Variants in SLC39A4 observed in about 807,000 individuals in gnomAD.
SLC39A4 encodes zinc transporter ZIP4.
SLC39A4 carries 49 observed loss-of-function variants against 56.6 expected under a neutral mutation model. The observed-to-expected ratio is 0.87, with a 90% confidence interval of 0.69 to 1.10. SLC39A4 has a LOEUF of 1.10. Ranked by LOEUF, SLC39A4 falls within the 50% of genes least tolerant of loss-of-function variation. The pLI, the probability that SLC39A4 is intolerant of heterozygous loss-of-function variation, is 0.00. For missense variants in SLC39A4, 993 were observed against 864.2 expected, an observed-to-expected ratio of 1.15 and a Z score of -1.87; for synonymous variants, 540 against 420.4, an observed-to-expected ratio of 1.28 and a Z score of -3.48.
Position 144,416,679 on chromosome 8 carries a change from G to T in SLC39A4, c.111C>A (p.Gly37=). ...CGCCCAGAGCCTCTTGATCCAGAGC[G>T]CCCTGGCCAGAGGTGAGCAGGCTCA... The part of the protein sequence containing the change: ...GLLSLLTSGQ[G]ALDQEALGGL... The change falls in exon 1 of 12, where the codon GGC becomes GGA. Residue 37 remains glycine (G), a synonymous_variant. Coordinates refer to ENST00000301305, the MANE Select transcript of SLC39A4 (RefSeq NM_130849.4). The T allele has an allele frequency of 6.2e-7, 1 of 1,611,858 alleles. No individual in the cohort carries two copies. Among genetic ancestry groups the T allele is most frequent in the Non-Finnish European group, 8.5e-7 (1 of 1,179,524 alleles).
Position 144,413,282 on chromosome 8 carries a change from C to G in SLC39A4, c.1582G>C (p.Ala528Pro), listed in dbSNP as rs781865905. The G allele has an allele frequency of 1.3e-6, 2 of 1,598,806 alleles. No homozygotes were observed. The highest frequency in any genetic ancestry group is 1.7e-6 in the Non-Finnish European group (2 of 1,176,816). The change falls in exon 10 of 12, where the codon GCC becomes CCC. Residue 528 changes from alanine to proline, a missense_variant. Ala to Pro is a conservative substitution (Grantham distance 27). Coordinates refer to ENST00000301305, the MANE Select transcript of SLC39A4 (RefSeq NM_130849.4). ...AFASSWKTGL[A>P]TSLAVFCHEL... ...TGGCAGAACACGGCCAGCGAGGTGG[C>G]CAGCCCGGTCTTCCAGGAGGACGCG...
intron 2 of SLC39A4, 32 bp downstream of exon 2, chr8:144,415,778 C>G: frequency 6.3e-7 from 1 of 1,578,862 alleles, no homozygotes; most frequent in East Asian, 2.3e-5. Flanking sequence ...CCTCCTCACC[C>G]ACTCCCCTGG....
rs781822449 is a variant in SLC39A4 at position 144,414,390 on chromosome 8, C to T, written c.1021G>A (p.Ala341Thr). The T allele has an allele frequency of 2.4e-5, 38 of 1,575,940 alleles. No individual in the cohort carries two copies. Among genetic ancestry groups the T allele is most frequent in the South Asian group, 1.3e-4 (11 of 86,064 alleles). ...SLATLLICLC[A>T]VFGLLLLTCT... ...GTCAGCAGCAGGAGGCCAAAGACCG[C>T]GCAGAGGCAGATGAGCAGCGTGGCC... The change falls in exon 6 of 12, where the codon GCG (alanine) becomes ACG (threonine). Residue 341 changes from alanine to threonine, a missense_variant. Ala to Thr is a moderately conservative substitution (Grantham distance 58, BLOSUM62 0). Coordinates refer to ENST00000301305, the MANE Select transcript of SLC39A4 (RefSeq NM_130849.4).
rs1554872607 is a variant in SLC39A4 at position 144,413,790 on chromosome 8, C to T, written c.1379G>A (p.Arg460Gln). Residue 460 changes from arginine (R) to glutamine (Q), a missense_variant, in exon 8 of 12, where the codon CGG becomes CAG. Arg to Gln is a conservative substitution (Grantham distance 43). Coordinates refer to ENST00000301305, the MANE Select transcript of SLC39A4 (RefSeq NM_130849.4). ...VSLQLAPSEL[R>Q]QPKPPHEGSR... ...GCCCTCGTGGGGGGGCTTGGGCTGC[C>T]GGAGCTCGCTGGGTGCCAGCTGCAG... is the stretch of plus-strand genomic sequence containing the variant. 12 of 1,553,760 alleles carry T rather than the reference C, an allele frequency of 7.7e-6. No homozygotes were observed. The highest frequency in any genetic ancestry group is 2.3e-4 in the Middle Eastern group (1 of 4,414).
chr8:144,413,184 T>G (rs2977840), intron 10 of SLC39A4, 53 bp downstream of exon 10: 1,510,310 of 1,519,912 alleles, frequency 0.99, 750,411 homozygotes, highest in South Asian at 1. Flanking sequence ...AGGTCTCCCC[T>G]CCCAGCCCCG....
Position 144,416,634 on chromosome 8 carries a change from C to A in SLC39A4, c.156G>T (p.Ala52=). The A allele has an allele frequency of 2.5e-6, 4 of 1,604,660 alleles. No homozygotes were observed. The highest frequency in any genetic ancestry group is 3.4e-6 in the Non-Finnish European group (4 of 1,176,622). Residue 52 remains alanine (A), a synonymous_variant, in exon 1 of 12, where the codon GCG becomes GCT. Transcript: ENST00000301305. The part of the protein sequence containing the change: ...EALGGLLNTL[A]DRVHCANGPC... ...GCCCGTTGGCGCAGTGCACACGGTC[C>A]GCCAGCGTATTTAACAGGCCGCCCA...
At chr8:144,416,276 G>A (rs959882278) in intron 1 of SLC39A4, 185 bp from the exon 2 acceptor site, 29 of 1,542,592 alleles carry the variant, frequency 1.9e-5, no homozygotes, top group Non-Finnish European at 2.3e-5. Context: ...CTACAGGGGT[G>A]CACGCAGAGG....
chr8:144,416,169 G>A (rs201942863), intron 1 of SLC39A4, 78 bp from the exon 2 acceptor site: 34 of 1,595,296 alleles, frequency 2.1e-5, no homozygotes, highest in African/African-American at 8.0e-5. Context: ...GGGCTTCCCC[G>A]AGGGCCTGTT....
At position 144,414,784 on chromosome 8, in the gene SLC39A4, C is replaced by G. The variant is rs1398604079; in HGVS notation, c.917G>C (p.Ser306Thr). ...CCTGGACTGGGAGGTGCAGGCTCCA[C>G]TCAGCTGCTGTTGGAGCAGGGCAGG... The part of the protein sequence containing the change: ...LSPALLQQQL[S>T]GACTSQSRPP... Residue 306 changes from serine (S) to threonine (T), a missense_variant, in exon 5 of 12, where the codon AGT becomes ACT. Ser to Thr is a moderately conservative substitution (Grantham distance 58, BLOSUM62 1). Coordinates refer to ENST00000301305, the MANE Select transcript of SLC39A4 (RefSeq NM_130849.4). 1 of 1,613,182 alleles carries G rather than the reference C, an allele frequency of 6.2e-7. No individual in the cohort carries two copies.
intron 10 of SLC39A4, 95 bp from the exon 11 acceptor site, chr8:144,413,041 A>G: frequency 2.5e-6 from 3 of 1,188,714 alleles, no homozygotes; most frequent in South Asian, 1.8e-5. Context: ...GGCCCCGCCC[A>G]CCTGTTCCCG....
In SLC39A4 at chr8:144,415,962, C is replaced by T. The variant is rs144726882; in HGVS notation, c.322G>A (p.Glu108Lys). The T allele has an allele frequency of 2.6e-5, 41 of 1,595,198 alleles. No homozygotes were observed. The highest frequency in any genetic ancestry group is 1.7e-4 in the Middle Eastern group (1 of 6,044). ...AAAVLYLSNPEGTCEDARAGL... is the reference protein window; with the variant it reads ...AAAVLYLSNPKGTCEDARAGL... ...GCCCGAGCGTCCTCACAGGTGCCCT[C>T]GGGGTTGCTGAGGTACAGGACGGCG... Residue 108 changes from glutamate to lysine, a missense_variant, in exon 2 of 12, where the codon GAG (glutamate) becomes AAG (lysine). Glu to Lys is a moderately conservative substitution (Grantham distance 56). Coordinates refer to ENST00000301305, the MANE Select transcript of SLC39A4 (RefSeq NM_130849.4).
Position 144,412,760 on chromosome 8 carries a change from A to G in SLC39A4, c.1814T>C (p.Met605Thr), listed in dbSNP as rs1183371438. ...GLFLYVALCDMLPAMLKVRDP... is the reference protein window; with the variant it reads ...GLFLYVALCDTLPAMLKVRDP... ...AGCCCCTCCCCTCGCCATCCTGACC[A>G]TGTCGCAGAGTGCTACGTAGAGGAA... Residue 605 changes from methionine to threonine, a missense_variant and splice_region_variant, in exon 11 of 12, where the codon ATG becomes ACG. By Grantham distance (81) the Met-to-Thr change is moderately conservative. Transcript: ENST00000301305. The G allele has an allele frequency of 1.2e-6, 2 of 1,613,110 alleles. No individual in the cohort carries two copies. Among genetic ancestry groups the G allele is most frequent in the Non-Finnish European group, 1.7e-6 (2 of 1,179,934 alleles).
In SLC39A4 at chr8:144,416,778, CAGGG is replaced by C; in HGVS notation, c.8_11del (p.Ser3TrpfsTer15). 1 of 1,612,214 alleles carries C rather than the reference CAGGG, an allele frequency of 6.2e-7. No homozygotes were observed. Among genetic ancestry groups the C allele is most frequent in the Non-Finnish European group, 8.5e-7 (1 of 1,179,830 alleles). On this transcript the variant is annotated frameshift_variant, in exon 1 of 12. Coordinates refer to ENST00000301305, the MANE Select transcript of SLC39A4 (RefSeq NM_130849.4). LOFTEE classifies it high-confidence loss of function. ...GAAGCAGCCCCAGCTCCAGCGAGAC[CAGGG>C]ACGCCATACTCAGCTCCCAGCGTGC...
intron 8 of SLC39A4, 83 bp downstream of exon 8, chr8:144,413,667 T>TG (rs1822007977): frequency 6.5e-7 from 1 of 1,540,068 alleles, no homozygotes; most frequent in South Asian, 1.2e-5. Flanking sequence ...GCCGCAGGCC[T>TG]GGGGTGGGGC....
rs781865905 is a variant in SLC39A4 at position 144,413,282 on chromosome 8, C to A, written c.1582G>T (p.Ala528Ser). 6.3e-7 allele frequency: 1 copy of A among 1,598,806 alleles called. No homozygotes were observed. The highest frequency in any genetic ancestry group is 1.1e-5 in the South Asian group (1 of 89,570). The change falls in exon 10 of 12, where the codon GCC becomes TCC. Residue 528 changes from alanine to serine, a missense_variant. Coordinates refer to ENST00000301305, the MANE Select transcript of SLC39A4 (RefSeq NM_130849.4). ...TGGCAGAACACGGCCAGCGAGGTGGCCAGCCCGGTCTTCCAGGAGGACGCG... is the reference window on the plus strand; with the variant it reads ...TGGCAGAACACGGCCAGCGAGGTGGACAGCCCGGTCTTCCAGGAGGACGCG... ...AFASSWKTGL[A>S]TSLAVFCHEL...
Position 144,415,342 on chromosome 8 carries a change from AGCCAGGACGCC to A in SLC39A4, c.541_551del (p.Gly181CysfsTer56). On this transcript the variant is annotated frameshift_variant, in exon 3 of 12. Coordinates refer to ENST00000301305, the MANE Select transcript of SLC39A4 (RefSeq NM_130849.4). LOFTEE classifies it high-confidence loss of function. ...CGCTCCTGACATGGTCCAGCAGGGCAGCCAGGACGCCGCCAGCACTGCCCGGAGCCCCCGCC... is the reference window on the plus strand; with the variant it reads ...CGCTCCTGACATGGTCCAGCAGGGCAGCCAGCACTGCCCGGAGCCCCCGCC... 6.2e-7 allele frequency: 1 copy of A among 1,612,126 alleles called. No homozygotes were observed.
chr8:144,412,952 G>T lies in SLC39A4; in HGVS notation c.1628-6C>A. ...CAGCAAGGCGGCGAAGTCCCCTGCGGGCGAGTCCACATTAACAGCTCCGCC... is the reference window on the plus strand; with the variant it reads ...CAGCAAGGCGGCGAAGTCCCCTGCGTGCGAGTCCACATTAACAGCTCCGCC... On this transcript the variant is annotated splice_polypyrimidine_tract_variant and splice_region_variant and intron_variant, in intron 10 of 11. Transcript: ENST00000301305. 6.3e-7 allele frequency: 1 copy of T among 1,592,022 alleles called. No homozygotes were observed. Among genetic ancestry groups the T allele is most frequent in the Non-Finnish European group, 8.5e-7 (1 of 1,174,776 alleles).
chr8:144,412,529 G>C lies in SLC39A4; in HGVS notation c.*9C>G. The C allele has an allele frequency of 6.2e-7, 1 of 1,614,148 alleles. No homozygotes were observed. The highest frequency in any genetic ancestry group is 8.5e-7 in the Non-Finnish European group (1 of 1,180,020). ...TCTTAAGTCAAAGGTGGGGGACTAG[G>C]GCAGGGTATCAGAAGGTGATGTCAT... On this transcript the variant is annotated 3_prime_UTR_variant, in exon 12 of 12. Coordinates refer to ENST00000301305, the MANE Select transcript of SLC39A4 (RefSeq NM_130849.4).
rs781896746 is a variant in SLC39A4 at position 144,416,208 on chromosome 8, T to A, written c.193-117A>T. On this transcript the variant is annotated intron_variant, in intron 1 of 11. Transcript: ENST00000301305. Reference sequence around the variant, plus strand: ...CTTTCAAGTCCAACAACGTCCACCATCCTCTCTCAACCCCTGGCGCCCTTC... The same window carrying A: ...CTTTCAAGTCCAACAACGTCCACCAACCTCTCTCAACCCCTGGCGCCCTTC... The A allele has an allele frequency of 2.7e-5, 43 of 1,592,248 alleles. No homozygotes were observed. Among genetic ancestry groups the A allele is most frequent in the Non-Finnish European group, 3.3e-5 (39 of 1,176,290 alleles).
Sources: allele counts gnomAD v4.1 joint callset, GRCh38; gene constraint gnomAD v4.1.1; transcripts MANE v1.5; gene names NCBI Gene and HGNC (gene_info 2026-07-23, HGNC 2026-07-21).